MCTP2: variants seen among roughly 807,000 people sequenced by gnomAD.
MCTP2 encodes multiple C2 and transmembrane domain-containing protein 2.
A neutral mutation model predicts 111.6 loss-of-function variants in MCTP2; 132 were observed. The ratio of observed to expected loss-of-function variants is 1.18; its 90% confidence interval spans 1.03 to 1.37. MCTP2 has a LOEUF of 1.37. Ranked by LOEUF, MCTP2 falls within the 40% of genes most tolerant of loss-of-function variation. The pLI, the probability that MCTP2 is intolerant of heterozygous loss-of-function variation, is 0.00. For synonymous variants in MCTP2, 395 were observed against 387.7 expected, an observed-to-expected ratio of 1.02 and a Z score of -0.22; for missense variants, 1,183 against 1,067.9, an observed-to-expected ratio of 1.11 and a Z score of -1.50.
intron 1 of MCTP2, among the ~76,000 whole-genome samples, chr15:94,289,424 C>T (rs182456650): frequency 6.1e-4 from 93 of 152,120 alleles, no homozygotes; most frequent in Admixed American, 7.2e-4. Flanking sequence ...TTGGGAAAAA[C>T]TAAGAGAATT....
At chr15:94,281,312 G>A (rs1216550448) in intron 1 of MCTP2, among the ~76,000 whole-genome samples, 1 of 152,060 alleles carries the variant, frequency 6.6e-6, no homozygotes, top group African/African-American at 2.4e-5. Context: ...TATCATTATG[G>A]AATGTCCTTC....
chr15:94,272,693 T>C (rs1281738759), intron 1 of MCTP2, among the ~76,000 whole-genome samples: 1 of 151,642 alleles, frequency 6.6e-6, no homozygotes, highest in Non-Finnish European at 1.5e-5. Flanking sequence ...CTTTGGCTTT[T>C]CGGTTTTGGG....
At chr15:94,252,571 A>T (rs1355411043) in intron 1 of MCTP2, among the ~76,000 whole-genome samples, 1 of 151,944 alleles carries the variant, frequency 6.6e-6, no homozygotes, top group African/African-American at 2.4e-5. Context: ...TCCCCTCATG[A>T]GGTGACACAG....
intron 4 of MCTP2, among the ~76,000 whole-genome samples, chr15:94,319,588 C>G (rs377329293): frequency 6.6e-6 from 1 of 152,294 alleles, no homozygotes; most frequent in Non-Finnish European, 1.5e-5. Context: ...AGAACCTTTG[C>G]TCTAGGCAGT....
chr15:94,398,825 T>C (rs1298657276), intron 14 of MCTP2, 136 bp from the exon 15 acceptor site: 3 of 560,726 alleles, frequency 5.4e-6, no homozygotes, highest in African/African-American at 1.9e-5. Flanking sequence ...TTATGGTGGA[T>C]TTAATATTTC....
At position 94,442,979 on chromosome 15, in the gene MCTP2, GAACA is replaced by G; in HGVS notation, c.2250+20_2250+23del. 6.2e-7 allele frequency: 1 copy of G among 1,601,644 alleles called. No homozygotes were observed. Among genetic ancestry groups the G allele is most frequent in the Non-Finnish European group, 8.5e-7 (1 of 1,173,904 alleles). On this transcript the variant is annotated intron_variant, in intron 19 of 22. Coordinates refer to ENST00000357742, the MANE Select transcript of MCTP2 (RefSeq NM_001385001.1). Reference sequence around the variant, plus strand: ...TGACAAGGTGCGTATGTTCAAGAAAGAACACACACAAAAAAACACTAGTGTTGTC... The same window carrying G: ...TGACAAGGTGCGTATGTTCAAGAAAGCACACAAAAAAACACTAGTGTTGTC...
chr15:94,452,143 C>T (rs2084501877), intron 19 of MCTP2, among the ~76,000 whole-genome samples: 3 of 152,178 alleles, frequency 2.0e-5, no homozygotes, highest in Admixed American at 6.5e-5. Context: ...CATCATTTAA[C>T]TTCCCTGGAC....
rs543056235 is a variant in MCTP2 at position 94,259,086 on chromosome 15, T to TG, written c.-66+27424dup. On this transcript the variant is annotated intron_variant, in intron 1 of 22. Transcript: ENST00000357742. The stretch of plus-strand genomic sequence containing the variant: ...TTCTTCCTACACTCTGTGGCTATGC[T>TG]GGACTCTCCCTGGGCCATGCTCACT... 1.5e-4 allele frequency among the ~76,000 whole-genome samples: 23 copies of TG among 152,188 alleles called. 1 individual carries two copies. Among genetic ancestry groups the TG allele is most frequent in the Non-Finnish European group, 1.5e-4 (10 of 68,024 alleles).
At chr15:94,455,878 A>C (rs192574291) in intron 19 of MCTP2, among the ~76,000 whole-genome samples, 1 of 152,366 alleles carries the variant, frequency 6.6e-6, no homozygotes, top group South Asian at 2.1e-4. Flanking sequence ...TAATCCTGAC[A>C]TCGGTATATA....
intron 1 of MCTP2, among the ~76,000 whole-genome samples, chr15:94,274,938 C>T (rs1596245296): frequency 6.6e-6 from 1 of 152,228 alleles, no homozygotes; most frequent in East Asian, 1.9e-4. Flanking sequence ...AGACACTTAG[C>T]AAGTAGAACT....
At chr15:94,276,422 T>C (rs2074214345) in intron 1 of MCTP2, among the ~76,000 whole-genome samples, 2 of 152,108 alleles carry the variant, frequency 1.3e-5, no homozygotes, top group Non-Finnish European at 2.9e-5. Flanking sequence ...TAAATAACTA[T>C]TTTCAAGAAA....
At chr15:94,243,918 T>C (rs531201768) in intron 1 of MCTP2, among the ~76,000 whole-genome samples, 6 of 117,186 alleles carry the variant, frequency 5.1e-5, no homozygotes, top group African/African-American at 1.2e-4. Context: ...TATGTGTATA[T>C]ATTTACACAT....
At chr15:94,477,666 T>C (rs1347640946) in intron 22 of MCTP2, among the ~76,000 whole-genome samples, 1 of 152,128 alleles carries the variant, frequency 6.6e-6, no homozygotes, top group Non-Finnish European at 1.5e-5. Flanking sequence ...TGTAGCATAA[T>C]TGGTTCCCTG....
intron 8 of MCTP2, among the ~76,000 whole-genome samples, chr15:94,354,209 G>A (rs1176982078): frequency 6.6e-6 from 1 of 152,036 alleles, no homozygotes; most frequent in Non-Finnish European, 1.5e-5. Context: ...TGCCCCTTCT[G>A]TTCTGTCTCA....
chr15:94,297,479 G>A (rs1356435169), intron 1 of MCTP2, among the ~76,000 whole-genome samples: 1 of 152,020 alleles, frequency 6.6e-6, no homozygotes, highest in Non-Finnish European at 1.5e-5. Context: ...AATGTGTTTT[G>A]CTCTAATCAC....
intron 2 of MCTP2, among the ~76,000 whole-genome samples, chr15:94,307,577 C>G (rs145476773): frequency 6.6e-6 from 1 of 152,318 alleles, no homozygotes; most frequent in East Asian, 1.9e-4. Flanking sequence ...TCAGGCAACT[C>G]TAGCTGCTTA....
At chr15:94,323,179 C>T (rs1402101331) in intron 4 of MCTP2, among the ~76,000 whole-genome samples, 1 of 152,146 alleles carries the variant, frequency 6.6e-6, no homozygotes, top group African/African-American at 2.4e-5. Flanking sequence ...GTTAATTGTT[C>T]TTTAGAAAGA....
At chr15:94,385,672 T>C in intron 14 of MCTP2, 147 bp downstream of exon 14, 1 of 580,980 alleles carries the variant, frequency 1.7e-6, no homozygotes, top group East Asian at 2.8e-5. Context: ...CCTCATTCTT[T>C]TCCGGTATTT....
At chr15:94,470,660 A>G (rs1001941867) in intron 21 of MCTP2, among the ~76,000 whole-genome samples, 3 of 152,224 alleles carry the variant, frequency 2.0e-5, no homozygotes, top group East Asian at 3.8e-4. Flanking sequence ...CATAATTGCA[A>G]TCAAATAAAA....
Sources: gnomAD v4.1 joint callset for allele counts (sites outside exome capture counted in the v4.1 genomes callset) on GRCh38, gnomAD v4.1.1 for gene constraint, MANE v1.5 for transcripts, NCBI Gene and HGNC (gene_info 2026-07-23, HGNC 2026-07-21) for gene names.